Variants in PORCN observed in about 807,000 individuals in gnomAD.
PORCN encodes porcupine O-acyltransferase.
Under a neutral mutation model 43.0 loss-of-function variants are expected in PORCN, and 1 was observed. The ratio of observed to expected loss-of-function variants is 0.02; its 90% confidence interval spans 0.01 to 0.11. The LOEUF (loss-of-function observed/expected upper bound fraction) is 0.11. Ranked by LOEUF, PORCN falls within the 10% of genes least tolerant of loss-of-function variation. The probability of loss-of-function intolerance (pLI) is 1.00; values close to 1 mark genes in which losing one functional copy is unlikely to be tolerated. For synonymous variants in PORCN, 148 were observed against 166.4 expected (o/e 0.89, Z 0.85); for missense variants, 240 against 392.1 (o/e 0.61, Z 3.28).
intron 10 of PORCN, 105 bp downstream of exon 10, chrX:48,514,730 C>G (rs1310545552): frequency 4.7e-6 from 3 of 639,930 alleles, no homozygotes; most frequent in Non-Finnish European, 7.8e-6. Context: ...ACCCAAAATC[C>G]CTACCCTTGT....
chrX:48,514,540 C>G lies in PORCN; in HGVS notation c.861C>G (p.Ser287=). Residue 287 remains serine, a synonymous_variant, in exon 10 of 15, where the codon TCC becomes TCG. Coordinates refer to ENST00000326194, the MANE Select transcript of PORCN (RefSeq NM_203475.3). ...CTGCCCCCAGGGACCTGACGGTGTC[C>G]AAGCCACTGAATGTGGAGCTGCCTC... ...KDHLEWDLTV[S]KPLNVELPRS... is the part of the protein sequence containing the mutation. 8.3e-7 allele frequency: 1 copy of G among 1,211,195 alleles called. No homozygotes were observed.
intron 1 of PORCN, chrX:48,509,582 G>A (rs1473541018): frequency 9.0e-7 from 1 of 1,113,641 alleles, no homozygotes; most frequent in Non-Finnish European, 1.2e-6. Flanking sequence ...CAGGCTGTGC[G>A]TGTGCATGCC....
chrX:48,514,994 G>A (rs1490436476), intron 10 of PORCN, among the ~76,000 whole-genome samples: 1 of 111,480 alleles, frequency 9.0e-6, no homozygotes. Flanking sequence ...AGCAGGGAGC[G>A]CAGATATATG....
chrX:48,509,525 T>C (rs1461596274), intron 1 of PORCN: 2 of 1,047,182 alleles, frequency 1.9e-6, no homozygotes, highest in Non-Finnish European at 2.5e-6. Flanking sequence ...CGGACTGGAC[T>C]GTTCACAGCA....
intron 13 of PORCN, among the ~76,000 whole-genome samples, chrX:48,516,540 G>A (rs1256994605): frequency 3.6e-5 from 4 of 111,614 alleles, no homozygotes; most frequent in Non-Finnish European, 7.5e-5. Flanking sequence ...AAAATGTGTA[G>A]GGCAAAGGGG....
At chrX:48,519,720 G>A (rs2061745105) in intron 14 of PORCN, among the ~76,000 whole-genome samples, 1 of 112,654 alleles carries the variant, frequency 8.9e-6, no homozygotes, top group Non-Finnish European at 1.9e-5. Context: ...AGATGGCCGG[G>A]CGGGGTGGCT....
Position 48,514,583 on chromosome X carries a change from G to A in PORCN, c.904G>A (p.Val302Ile). Residue 302 changes from valine (V) to isoleucine (I), a missense_variant, in exon 10 of 15, where the codon GTC becomes ATC. Physicochemically the swap from Val to Ile is conservative, Grantham distance 29 (BLOSUM62 3). Coordinates refer to ENST00000326194, the MANE Select transcript of PORCN (RefSeq NM_203475.3). ...GCTGCCTCGGTCAATGGTGGAAGTTGTCACAAGCTGGAACCTGCCCATGTC... is the reference window on the plus strand; with the variant it reads ...GCTGCCTCGGTCAATGGTGGAAGTTATCACAAGCTGGAACCTGCCCATGTC... ...VELPRSMVEVVTSWNLPMSYW... is the reference protein window; with the variant it reads ...VELPRSMVEVITSWNLPMSYW... The A allele has an allele frequency of 8.3e-7, 1 of 1,211,825 alleles. No individual in the cohort carries two copies. Among genetic ancestry groups the A allele is most frequent in the South Asian group, 1.8e-5 (1 of 57,007 alleles).
chrX:48,518,351 G>T (rs1418658187), intron 14 of PORCN, among the ~76,000 whole-genome samples: 2 of 110,569 alleles, frequency 1.8e-5, no homozygotes, highest in African/African-American at 6.6e-5. Flanking sequence ...CTCCTGAGTA[G>T]CTGGGATTAC....
Position 48,514,326 on chromosome X carries a change from C to T in PORCN, c.806C>T (p.Ala269Val). The change falls in exon 9 of 15, where the codon GCG becomes GTG. Residue 269 changes from alanine to valine, a missense_variant. Transcript: ENST00000326194. ...CTTTCCGAGGCCACGGCCACGTTGGCGGGGGCTGGCTTTACCGAGGAGAAG... is the reference window on the plus strand; with the variant it reads ...CTTTCCGAGGCCACGGCCACGTTGGTGGGGGCTGGCTTTACCGAGGAGAAG... Reference protein sequence around the residue: ...GFLSEATATLAGAGFTEEKDH... With the variant: ...GFLSEATATLVGAGFTEEKDH... 1 of 1,211,490 alleles carries T rather than the reference C, an allele frequency of 8.3e-7. No homozygotes were observed. The highest frequency in any genetic ancestry group is 1.1e-6 in the Non-Finnish European group (1 of 895,299).
At position 48,512,908 on chromosome X, in the gene PORCN, G is replaced by A. The variant is rs1200917760; in HGVS notation, c.704+56G>A. The stretch of plus-strand genomic sequence containing the variant: ...AGTGGGGCTGACATGAGTGGGGGCA[G>A]AGCCCATGACCAATGGGTTCTGTGT... On this transcript the variant is annotated intron_variant, in intron 7 of 14. Coordinates refer to ENST00000326194, the MANE Select transcript of PORCN (RefSeq NM_203475.3). 10 of 1,181,204 alleles carry A rather than the reference G, an allele frequency of 8.5e-6. No individual in the cohort carries two copies. In the African/African-American group the frequency reaches 1.8e-4, roughly 21 times the overall value.
In PORCN at chrX:48,517,447, T is replaced by A. The variant is rs185399810; in HGVS notation, c.1284+154T>A. On this transcript the variant is annotated intron_variant, in intron 14 of 14. Coordinates refer to ENST00000326194, the MANE Select transcript of PORCN (RefSeq NM_203475.3). Reference sequence around the variant, plus strand: ...AGTGCTCCTCGGTCCTTTCCCATAGTCCCTCTGCTTGAGTCACACTGTTAG... The same window carrying A: ...AGTGCTCCTCGGTCCTTTCCCATAGACCCTCTGCTTGAGTCACACTGTTAG... 3.6e-5 allele frequency among the ~76,000 whole-genome samples: 4 copies of A among 112,192 alleles called. No homozygotes were observed. In the Admixed American group the frequency reaches 3.8e-4, roughly 11 times the overall value.
intron 12 of PORCN, 43 bp downstream of exon 12, chrX:48,515,996 G>A (rs368075380): frequency 1.5e-5 from 18 of 1,203,374 alleles, no homozygotes; most frequent in Admixed American, 2.2e-5. Flanking sequence ...GAAGGTTGGT[G>A]GGGGGGCTGG....
At chrX:48,510,331 G>A (rs781964864) in intron 2 of PORCN, among the ~76,000 whole-genome samples, 2 of 112,299 alleles carry the variant, frequency 1.8e-5, no homozygotes, top group African/African-American at 6.5e-5. Context: ...GAATCCCAAA[G>A]TACCATGATT....
At chrX:48,515,324 G>A in intron 10 of PORCN, 1 of 273,496 alleles carries the variant, frequency 3.7e-6, no homozygotes, top group East Asian at 9.1e-5. Flanking sequence ...CAGCAGTGAG[G>A]AGGCCGCTGC....
chrX:48,511,181 T>G (rs2061672316), intron 2 of PORCN, 114 bp from the exon 3 acceptor site: 20 of 669,990 alleles, frequency 3.0e-5, no homozygotes, highest in East Asian at 1.1e-4. Flanking sequence ...CCACCAACCT[T>G]CTCTTTCTTG....
At position 48,512,818 on chromosome X, in the gene PORCN, G is replaced by C. The variant is rs1228082860; in HGVS notation, c.687-17G>C. 24 of 1,212,381 alleles carry C rather than the reference G, an allele frequency of 2.0e-5. No homozygotes were observed. Among genetic ancestry groups the C allele is most frequent in the Non-Finnish European group, 2.7e-5 (24 of 895,630 alleles). On this transcript the variant is annotated splice_polypyrimidine_tract_variant and intron_variant, in intron 6 of 14. Coordinates refer to ENST00000326194, the MANE Select transcript of PORCN (RefSeq NM_203475.3). Reference sequence around the variant, plus strand: ...AGCCTGTCTCTTAATGCTTCTTTCTGTCTTCTGTTACTACAGCAAGAAACG... The same window carrying C: ...AGCCTGTCTCTTAATGCTTCTTTCTCTCTTCTGTTACTACAGCAAGAAACG...
At chrX:48,513,807 G>A (rs1335950573) in intron 7 of PORCN, among the ~76,000 whole-genome samples, 1 of 112,260 alleles carries the variant, frequency 8.9e-6, no homozygotes, top group African/African-American at 3.2e-5. Flanking sequence ...GCATTGCAAG[G>A]CTGGGAGTCT....
chrX:48,509,418 A>T, intron 1 of PORCN: 1 of 688,386 alleles, frequency 1.5e-6, no homozygotes, highest in Non-Finnish European at 1.9e-6. Context: ...TCTGCCCTCC[A>T]CTCAGAGCGA....
chrX:48,520,813 C>T, downstream of PORCN: 1 of 291,628 alleles, frequency 3.4e-6, no homozygotes, highest in Non-Finnish European at 6.3e-6. Context: ...ATTCAATAGG[C>T]TTCTTCTTCA....
Sources: gnomAD v4.1 joint callset for allele counts (sites outside exome capture counted in the v4.1 genomes callset) on GRCh38, gnomAD v4.1.1 for gene constraint, MANE v1.5 for transcripts, NCBI Gene and HGNC (gene_info 2026-07-23, HGNC 2026-07-21) for gene names.